TTC34: variants seen among roughly 807,000 people sequenced by gnomAD.
TTC34 encodes the protein tetratricopeptide repeat domain 34.
TTC34 carries 44 observed loss-of-function variants against 40.7 expected under a neutral mutation model. The ratio of observed to expected loss-of-function variants is 1.08; its 90% confidence interval spans 0.85 to 1.39. TTC34 has a LOEUF of 1.39. Among genes scored for constraint, TTC34 ranks in the 40% most tolerant of loss-of-function variants. The pLI is 0.00. For synonymous variants in TTC34, 422 were observed against 398.6 expected, an observed-to-expected ratio of 1.06 and a Z score of -0.70; for missense variants, 884 against 838.0, an observed-to-expected ratio of 1.05 and a Z score of -0.68.
At chr1:2,751,318 A>ACGC (rs1641311446) in intron 6 of TTC34, among the ~76,000 whole-genome samples, 1 of 62,832 alleles carries the variant, frequency 1.6e-5, no homozygotes, top group Non-Finnish European at 3.3e-5. Context: ...CGTGGAGCAG[A>ACGC]ACAAACACCC....
chr1:2,686,735 AT>A (rs1640370917), intron 6 of TTC34, among the ~76,000 whole-genome samples: 1 of 145,138 alleles, frequency 6.9e-6, no homozygotes, highest in Non-Finnish European at 1.5e-5. Context: ...CCAGGCGAGC[AT>A]CTGACAGCCT....
At chr1:2,698,357 C>G (rs1418009295) in intron 6 of TTC34, among the ~76,000 whole-genome samples, 1 of 54,416 alleles carries the variant, frequency 1.8e-5, no homozygotes, top group Non-Finnish European at 4.9e-5. Context: ...CCTGGAACAG[C>G]ACCCACACCC....
At chr1:2,687,673 A>G (rs1250479426) in intron 6 of TTC34, among the ~76,000 whole-genome samples, 1 of 151,818 alleles carries the variant, frequency 6.6e-6, no homozygotes, top group Non-Finnish European at 1.5e-5. Context: ...GACAGGCTGG[A>G]GCAGCACGCA....
intron 6 of TTC34, among the ~76,000 whole-genome samples, chr1:2,649,163 C>T (rs1639077265): frequency 6.6e-6 from 1 of 151,544 alleles, no homozygotes. Context: ...ACGGTATCCA[C>T]ACCCACAGAT....
intron 6 of TTC34, among the ~76,000 whole-genome samples, chr1:2,769,784 G>T (rs1293814895): frequency 6.5e-4 from 5 of 7,656 alleles, no homozygotes; most frequent in Non-Finnish European, 1.1e-3. Context: ...GTGGAGCAGC[G>T]CCCACACCCC....
chr1:2,657,517 G>A, intron 6 of TTC34, among the ~76,000 whole-genome samples: 1 of 97,650 alleles, frequency 1.0e-5, no homozygotes, highest in African/African-American at 3.1e-5. Flanking sequence ...GCGAGCATCT[G>A]ACAGCATGAA....
chr1:2,701,969 G>T (rs1425995041), intron 6 of TTC34, among the ~76,000 whole-genome samples: 1 of 87,486 alleles, frequency 1.1e-5, no homozygotes, highest in African/African-American at 3.5e-5. Flanking sequence ...GACAGCCTGG[G>T]AAAGCACCCT....
chr1:2,657,357 G>C, intron 6 of TTC34, among the ~76,000 whole-genome samples: 1 of 97,224 alleles, frequency 1.0e-5, no homozygotes, highest in African/African-American at 3.1e-5. Flanking sequence ...GTGAGCATCT[G>C]ACAACTTGGA....
intron 6 of TTC34, among the ~76,000 whole-genome samples, chr1:2,749,539 TG>T (rs1641249534): frequency 2.8e-5 from 1 of 36,358 alleles, no homozygotes; most frequent in Admixed American, 2.7e-4. Context: ...GGCAAGCATC[TG>T]AACGCAAATA....
exon 3 of TTC34, chr1:2,790,176 C>T (rs752345790): frequency 5.0e-6 from 2 of 398,420 alleles, no homozygotes; most frequent in Non-Finnish European, 8.9e-6. Context: ...TGCGCCTGAG[C>T]CCGGACGCGC....
chr1:2,683,723 A>C, intron 6 of TTC34, among the ~76,000 whole-genome samples: 1 of 148,836 alleles, frequency 6.7e-6, no homozygotes, highest in East Asian at 2.0e-4. Flanking sequence ...CCCCCAGGTG[A>C]GCAGCTGATA....
At chr1:2,688,183 G>A (rs1405518538) in intron 6 of TTC34, among the ~76,000 whole-genome samples, 3 of 56,008 alleles carry the variant, frequency 5.4e-5, no homozygotes, top group African/African-American at 1.2e-4. Flanking sequence ...GGCGAGCATC[G>A]GACAGCCTGG....
chr1:2,779,957 A>G (rs550367839), intron 6 of TTC34, among the ~76,000 whole-genome samples: 6 of 152,184 alleles, frequency 3.9e-5, no homozygotes, highest in Non-Finnish European at 8.8e-5. Flanking sequence ...CTATAAAAAT[A>G]CAAAAAATTA....
rs528568014 is a variant in TTC34 at position 2,699,347 on chromosome 1, G to A, written c.2227-53784C>T. Among the ~76,000 whole-genome samples the A allele has an allele frequency of 2.8e-3, 360 of 128,124 alleles. 20 individuals are homozygous for A. The highest frequency in any genetic ancestry group is 9.0e-3 in the African/African-American group (341 of 37,874). The allele number at this position is 128,124 out of a possible 152,430, so 84.1% of individuals were successfully genotyped here. On this transcript the variant is annotated intron_variant, in intron 6 of 8. Coordinates refer to ENST00000401095, the Ensembl canonical transcript of TTC34. ...CAGCCACAACTCCAGGCGAGCATCTGACAGCCTGGAACAGCACCGCACACC... is the reference window on the plus strand; with the variant it reads ...CAGCCACAACTCCAGGCGAGCATCTAACAGCCTGGAACAGCACCGCACACC...
At chr1:2,688,323 C>G (rs1640466044) in intron 6 of TTC34, among the ~76,000 whole-genome samples, 1 of 115,410 alleles carries the variant, frequency 8.7e-6, no homozygotes, top group Non-Finnish European at 1.8e-5. Flanking sequence ...GGAGCAGAAC[C>G]CCACACCCCC....
At chr1:2,683,917 C>G (rs1440863183) in intron 6 of TTC34, among the ~76,000 whole-genome samples, 16 of 140,734 alleles carry the variant, frequency 1.1e-4, no homozygotes, top group East Asian at 4.1e-4. Context: ...CCCACACCTC[C>G]AGGTGAGCAT....
At chr1:2,750,204 C>A (rs1641269373) in intron 6 of TTC34, among the ~76,000 whole-genome samples, 3 of 152,034 alleles carry the variant, frequency 2.0e-5, no homozygotes, top group African/African-American at 7.2e-5. Context: ...GCACCCACAC[C>A]CCCAGGTGCG....
At chr1:2,749,644 C>A (rs1330808843) in intron 6 of TTC34, among the ~76,000 whole-genome samples, 4 of 105,250 alleles carry the variant, frequency 3.8e-5, no homozygotes, top group African/African-American at 1.5e-4. Flanking sequence ...GCCCCCACAC[C>A]CAGAGGTGAG....
intron 2 of TTC34, among the ~76,000 whole-genome samples, chr1:2,798,702 C>T (rs1643737959): frequency 7.9e-6 from 1 of 127,054 alleles, no homozygotes; most frequent in African/African-American, 3.1e-5. Flanking sequence ...AGCCCCCCAG[C>T]GTCCCAGCCT....
Sources: gnomAD v4.1 joint callset for allele counts (sites outside exome capture counted in the v4.1 genomes callset) on GRCh38, gnomAD v4.1.1 for gene constraint, MANE v1.5 for transcripts, NCBI Gene and HGNC (gene_info 2026-07-23, HGNC 2026-07-21) for gene names.